LDLRAD4: variants seen among roughly 807,000 people sequenced by gnomAD.
LDLRAD4 encodes low-density lipoprotein receptor class A domain-containing protein 4.
LDLRAD4 carries 5 observed loss-of-function variants against 17.0 expected under a neutral mutation model. That is an observed-to-expected ratio of 0.29 (90% CI 0.15 to 0.62). The LOEUF (loss-of-function observed/expected upper bound fraction) is 0.62, where lower values mean the gene tolerates loss of function less well. Among genes scored for constraint, LDLRAD4 ranks in the 20% least tolerant of loss-of-function variants. The pLI, the probability that LDLRAD4 is intolerant of heterozygous loss-of-function variation, is 0.84. For missense variants in LDLRAD4, 340 were observed against 424.7 expected (o/e 0.80, Z 1.75); for synonymous variants, 168 against 171.8 (o/e 0.98, Z 0.17).
At chr18:13,537,309 C>T (rs1208353354) in intron 3 of LDLRAD4, among the ~76,000 whole-genome samples, 1 of 152,032 alleles carries the variant, frequency 6.6e-6, no homozygotes. Flanking sequence ...GGCAGCAGTC[C>T]CCAACCTTTT....
intron 1 of LDLRAD4, among the ~76,000 whole-genome samples, chr18:13,334,004 T>C (rs974184752): frequency 2.0e-5 from 3 of 152,230 alleles, no homozygotes; most frequent in African/African-American, 7.2e-5. Context: ...AACTGACATG[T>C]TGACAATATT....
At chr18:13,264,871 G>A (rs1404975306) in intron 1 of LDLRAD4, among the ~76,000 whole-genome samples, 2 of 152,192 alleles carry the variant, frequency 1.3e-5, no homozygotes, top group East Asian at 1.9e-4. Flanking sequence ...CAGTCTTCCC[G>A]AACCTGGAGG....
chr18:13,554,747 C>T (rs538925745), intron 3 of LDLRAD4, among the ~76,000 whole-genome samples: 1 of 152,284 alleles, frequency 6.6e-6, no homozygotes, highest in East Asian at 1.9e-4. Context: ...GATATTTCCA[C>T]TCTCACGTTT....
chr18:13,361,756 G>T (rs758921881), intron 1 of LDLRAD4, among the ~76,000 whole-genome samples: 2 of 152,112 alleles, frequency 1.3e-5, no homozygotes, highest in Non-Finnish European at 2.9e-5. Context: ...ATAATGAGTT[G>T]CATGTTTTCC....
intron 3 of LDLRAD4, among the ~76,000 whole-genome samples, chr18:13,569,760 C>T (rs911687974): frequency 2.0e-5 from 3 of 152,162 alleles, no homozygotes; most frequent in Non-Finnish European, 4.4e-5. Flanking sequence ...TGGCAGGTGC[C>T]GGTAATCCCA....
At chr18:13,459,688 C>T (rs1020102928) in intron 3 of LDLRAD4, among the ~76,000 whole-genome samples, 2 of 152,022 alleles carry the variant, frequency 1.3e-5, no homozygotes, top group African/African-American at 2.4e-5. Context: ...CGGTCAAATT[C>T]GGTGTTTTAA....
intron 3 of LDLRAD4, among the ~76,000 whole-genome samples, chr18:13,466,839 TG>T (rs2092634174): frequency 6.6e-6 from 1 of 152,218 alleles, no homozygotes; most frequent in Non-Finnish European, 1.5e-5. Context: ...TATCTTCACA[TG>T]GTGGAAGGGG....
intron 3 of LDLRAD4, among the ~76,000 whole-genome samples, chr18:13,590,203 G>T (rs1487011151): frequency 1.3e-5 from 2 of 151,668 alleles, no homozygotes; most frequent in Non-Finnish European, 2.9e-5. Flanking sequence ...GTGGGTAAGG[G>T]TTTGTGTATG....
chr18:13,638,927 G>A (rs2042296634), intron 4 of LDLRAD4, among the ~76,000 whole-genome samples: 1 of 152,312 alleles, frequency 6.6e-6, no homozygotes, highest in African/African-American at 2.4e-5. Flanking sequence ...CCCGCTGCAA[G>A]GAAGTATTCC....
chr18:13,389,321 G>A (rs190686999), intron 2 of LDLRAD4, among the ~76,000 whole-genome samples: 8 of 149,218 alleles, frequency 5.4e-5, no homozygotes, highest in Admixed American at 1.3e-4. Context: ...CAGCTCCCTC[G>A]TGGATACTCC....
At chr18:13,283,455 A>G (rs144218252) in intron 1 of LDLRAD4, among the ~76,000 whole-genome samples, 15 of 152,322 alleles carry the variant, frequency 9.8e-5, no homozygotes, top group African/African-American at 3.6e-4. Context: ...AAGTTCCACA[A>G]ATCTTTAGGG....
chr18:13,555,913 T>G (rs1167678576), intron 3 of LDLRAD4, among the ~76,000 whole-genome samples: 1 of 152,226 alleles, frequency 6.6e-6, no homozygotes, highest in African/African-American at 2.4e-5. Flanking sequence ...ACCTTATTTT[T>G]AATAGCTTCA....
At chr18:13,279,739 C>T (rs558116572) in intron 1 of LDLRAD4, 5 of 152,334 alleles carry the variant, frequency 3.3e-5, no homozygotes, top group Admixed American at 6.5e-5. Flanking sequence ...AGCTACGTTG[C>T]TTCTCCTGAT....
intron 1 of LDLRAD4, among the ~76,000 whole-genome samples, chr18:13,226,984 C>T (rs2041844456): frequency 6.6e-6 from 1 of 152,054 alleles, no homozygotes; most frequent in Non-Finnish European, 1.5e-5. Context: ...CTTGTTCAGT[C>T]GCTTCTCTTC....
chr18:13,502,632 C>T lies in LDLRAD4; in HGVS notation c.181+64248C>T, dbSNP rs370885386. Among the ~76,000 whole-genome samples, 967 of 152,288 alleles carry T rather than the reference C, an allele frequency of 6.3e-3. 8 individuals are homozygous for T. The highest frequency in any genetic ancestry group is 0.022 in the African/African-American group (914 of 41,526). Reference sequence around the variant, plus strand: ...TCCAGCCGGTGGCAAAGGAACAAGCCGTGTAGCTCTGCTTCTCACCCACTC... The same window carrying T: ...TCCAGCCGGTGGCAAAGGAACAAGCTGTGTAGCTCTGCTTCTCACCCACTC... On this transcript the variant is annotated intron_variant, in intron 3 of 5. Transcript: ENST00000359446.
At position 13,533,650 on chromosome 18, in the gene LDLRAD4, G is replaced by A. The variant is rs533699685; in HGVS notation, c.182-87467G>A. ...ATTATGTACTGAATCTTACCATGAA[G>A]CAGTAGTCCATGTATCTGAATTACA... On this transcript the variant is annotated intron_variant, in intron 3 of 5. Transcript: ENST00000359446. 2.0e-5 allele frequency among the ~76,000 whole-genome samples: 3 copies of A among 152,300 alleles called. No homozygotes were observed. In the South Asian group the frequency reaches 6.2e-4, roughly 32 times the overall value.
chr18:13,291,916 G>A (rs2045984903), intron 1 of LDLRAD4, among the ~76,000 whole-genome samples: 1 of 152,166 alleles, frequency 6.6e-6, no homozygotes, highest in African/African-American at 2.4e-5. Context: ...GAAATCTGTT[G>A]GGCTGACTGC....
At chr18:13,245,724 A>G (rs1005266248) in intron 1 of LDLRAD4, among the ~76,000 whole-genome samples, 7 of 152,264 alleles carry the variant, frequency 4.6e-5, no homozygotes, top group Non-Finnish European at 1.5e-5. Context: ...AGTTTCTCAC[A>G]TCACCCAGCT....
At chr18:13,332,347 C>T (rs528944731) in intron 1 of LDLRAD4, among the ~76,000 whole-genome samples, 39 of 152,290 alleles carry the variant, frequency 2.6e-4, no homozygotes, top group East Asian at 2.1e-3. Flanking sequence ...CAGCCTCCTC[C>T]GCCATCAACA....
Sources: gnomAD v4.1 joint callset for allele counts (sites outside exome capture counted in the v4.1 genomes callset) on GRCh38, gnomAD v4.1.1 for gene constraint, MANE v1.5 for transcripts, NCBI Gene and HGNC (gene_info 2026-07-23, HGNC 2026-07-21) for gene names.